The following JAK1 variants were observed in gnomAD, a reference collection of about 807,000 sequenced individuals.
JAK1 encodes the protein tyrosine-protein kinase JAK1.
Under a neutral mutation model 136.6 loss-of-function variants are expected in JAK1, and 16 were observed. The observed-to-expected ratio is 0.12, with a 90% CI of 0.08 to 0.18. The LOEUF (loss-of-function observed/expected upper bound fraction) is 0.18, where lower values mean the gene tolerates loss of function less well. JAK1 is among the 10% of genes least tolerant of loss of function. JAK1 has a pLI of 1.00. For synonymous variants in JAK1, 492 were observed against 519.5 expected, an observed-to-expected ratio of 0.95 and a Z score of 0.72; for missense variants, 859 against 1,450.1, an observed-to-expected ratio of 0.59 and a Z score of 6.62.
At position 64,867,206 on chromosome 1, in the gene JAK1, T is replaced by C. The variant is rs2101116536; in HGVS notation, c.650A>G (p.Tyr217Cys). 6.3e-7 allele frequency: 1 copy of C among 1,588,646 alleles called. No homozygotes were observed. Residue 217 changes from tyrosine to cysteine, a missense_variant and splice_region_variant, in exon 7 of 25, where the codon TAC (tyrosine) becomes TGC (cysteine). Physicochemically the swap from Tyr to Cys is radical, Grantham distance 194 (BLOSUM62 -2). Around this residue, in one of 4 missense-constraint regions of JAK1, gnomAD observed 353 missense variants for 494.0 expected, o/e 0.71. Transcript: ENST00000342505. ...CAATGTTTCTGGAATATATCGCTTGTAGCTAAAAGACAGTAGAAAAGTACA... is the reference window on the plus strand; with the variant it reads ...CAATGTTTCTGGAATATATCGCTTGCAGCTAAAAGACAGTAGAAAAGTACA... ...QLPELPKDIS[Y>C]KRYIPETLNK...
chr1:64,902,583 A>AGAGAGAGAGAGAGAGTGTGTGT lies in JAK1; in HGVS notation c.-77-16243_-77-16242insACACACACTCTCTCTCTCTCTC. 2.4e-3 allele frequency among the ~76,000 whole-genome samples: 180 copies of AGAGAGAGAGAGAGAGTGTGTGT among 73,790 alleles called. 1 individual carries two copies. Among genetic ancestry groups the AGAGAGAGAGAGAGAGTGTGTGT allele is most frequent in the African/African-American group, 3.6e-3 (58 of 16,210 alleles). 48.4% of individuals were successfully genotyped at this position (73,790 alleles called of 152,430 possible). A position where few individuals can be genotyped will look rare whatever the true frequency, so the allele number is the denominator to read the frequency against. ...GAGAGAGAGAGAGAGAGAGAGAGAG[A>AGAGAGAGAGAGAGAGTGTGTGT]GTGTGTGTGTGTGTGTGTGTGTGTG... is the stretch of plus-strand genomic sequence containing the variant. On this transcript the variant is annotated intron_variant, in intron 1 of 24. Coordinates refer to ENST00000342505, the MANE Select transcript of JAK1 (RefSeq NM_002227.4).
intron 2 of JAK1, among the ~76,000 whole-genome samples, chr1:65,040,216 CAA>C (rs35513384): frequency 3.7e-4 from 49 of 131,004 alleles, no homozygotes; most frequent in Admixed American, 3.1e-4. Context: ...ACCCTGTCTC[CAA>C]AAAAAAAAAA....
intron 19 of JAK1, among the ~76,000 whole-genome samples, chr1:64,841,020 T>TCGTGCATGCAGGCAGGGA (rs1553158760): frequency 6.6e-6 from 1 of 152,150 alleles, no homozygotes; most frequent in African/African-American, 2.4e-5. Context: ...GCATACACAG[T>TCGTGCATGCAGGCAGGGA]CGTGCATGCA....
At chr1:64,985,862 G>T (rs1646593711) in intron 2 of JAK1, 1 of 615,868 alleles carries the variant, frequency 1.6e-6, no homozygotes, top group East Asian at 3.2e-5. Context: ...CAACAGAAAA[G>T]GAGCTAATCA....
chr1:64,863,205 G>T (rs1656465844), intron 8 of JAK1, among the ~76,000 whole-genome samples: 1 of 148,074 alleles, frequency 6.8e-6, no homozygotes, highest in African/African-American at 2.5e-5. Flanking sequence ...CCAGGATGCA[G>T]CATATGACAG....
At chr1:64,860,982 T>TGTGTGTGTGGG (rs1656295869) in intron 8 of JAK1, among the ~76,000 whole-genome samples, 1 of 83,434 alleles carries the variant, frequency 1.2e-5, no homozygotes, top group African/African-American at 5.5e-5. Flanking sequence ...GTGTGTGTGT[T>TGTGTGTGTGGG]GGGGGTGACG....
chr1:65,059,799 T>C (rs1174811903), intron 1 of JAK1, among the ~76,000 whole-genome samples: 1 of 152,174 alleles, frequency 6.6e-6, no homozygotes, highest in Non-Finnish European at 1.5e-5. Context: ...TAATTATGTT[T>C]TCATTAGGCA....
chr1:64,836,447 C>T (rs115291905), intron 22 of JAK1, among the ~76,000 whole-genome samples: 649 of 152,186 alleles, frequency 4.3e-3, no homozygotes, highest in Admixed American at 6.9e-3. Flanking sequence ...TAAAATAACA[C>T]GCCAAGTCTG....
intron 11 of JAK1, 132 bp from the exon 12 acceptor site, chr1:64,851,042 A>T: frequency 1.5e-6 from 1 of 666,482 alleles, no homozygotes; most frequent in Non-Finnish European, 2.8e-6. Flanking sequence ...ACAAGTGCTT[A>T]TTCAATAGGC....
intron 1 of JAK1, among the ~76,000 whole-genome samples, chr1:64,932,721 T>A (rs1379526257): frequency 6.6e-6 from 1 of 152,194 alleles, no homozygotes; most frequent in Non-Finnish European, 1.5e-5. Context: ...TTTGTTTTTT[T>A]TTATTGACAA....
intron 1 of JAK1, among the ~76,000 whole-genome samples, chr1:65,054,050 G>A (rs894945185): frequency 6.6e-6 from 1 of 152,144 alleles, no homozygotes; most frequent in Admixed American, 6.6e-5. Context: ...TCTGATTTTA[G>A]TTTTAAAAGC....
chr1:64,853,786 G>A (rs1025104314), intron 11 of JAK1, among the ~76,000 whole-genome samples: 4 of 152,284 alleles, frequency 2.6e-5, no homozygotes, highest in African/African-American at 7.2e-5. Context: ...CACTTGACAG[G>A]CATTATTCAC....
intron 1 of JAK1, among the ~76,000 whole-genome samples, chr1:64,905,450 T>A (rs1366843319): frequency 6.6e-6 from 1 of 152,208 alleles, no homozygotes; most frequent in Non-Finnish European, 1.5e-5. Flanking sequence ...AGTATGAGAA[T>A]CCTGTTAAAG....
chr1:64,856,713 A>T (rs1655961836), intron 10 of JAK1, among the ~76,000 whole-genome samples: 1 of 152,198 alleles, frequency 6.6e-6, no homozygotes, highest in African/African-American at 2.4e-5. Flanking sequence ...CGGAGCCCCG[A>T]GGCCCAGCTG....
chr1:64,890,743 C>T (rs1644923025), intron 1 of JAK1, among the ~76,000 whole-genome samples: 1 of 152,150 alleles, frequency 6.6e-6, no homozygotes, highest in African/African-American at 2.4e-5. Context: ...TGGCACAGGA[C>T]TAAAGTGGGC....
intron 13 of JAK1, 92 bp from the exon 14 acceptor site, chr1:64,846,828 G>A (rs921375878): frequency 1.0e-6 from 1 of 967,578 alleles, no homozygotes; most frequent in Non-Finnish European, 1.6e-6. Flanking sequence ...AGTGGACCCA[G>A]GAAAGCTCAC....
chr1:64,873,291 G>T (rs1473508378), intron 5 of JAK1, 79 bp downstream of exon 5: 1 of 1,550,358 alleles, frequency 6.5e-7, no homozygotes, highest in Non-Finnish European at 8.9e-7. Flanking sequence ...ACCAAGTTCA[G>T]CTGCAGCAGG....
At chr1:64,873,572 G>A in intron 4 of JAK1, 49 bp from the exon 5 acceptor site, 1 of 1,610,986 alleles carries the variant, frequency 6.2e-7, no homozygotes, top group Non-Finnish European at 8.5e-7. Flanking sequence ...GGACCCAGAT[G>A]TGGGCAGGGC....
At chr1:64,854,407 G>A (rs751375468) in intron 11 of JAK1, among the ~76,000 whole-genome samples, 2 of 152,118 alleles carry the variant, frequency 1.3e-5, no homozygotes, top group Non-Finnish European at 2.9e-5. Flanking sequence ...ACGCATGAAG[G>A]GCAGCATCTT....
Sources: allele counts gnomAD v4.1 joint callset (sites outside exome capture counted in the v4.1 genomes callset), GRCh38; gene constraint gnomAD v4.1.1; regional missense constraint gnomAD v4.1.1; transcripts MANE v1.5; gene names NCBI Gene and HGNC (gene_info 2026-07-23, HGNC 2026-07-21).